DNAH9: variants seen among roughly 807,000 people sequenced by gnomAD.
The protein encoded by DNAH9 is dynein axonemal heavy chain 9.
DNAH9 carries 345 observed loss-of-function variants against 471.6 expected under a neutral mutation model. The ratio of observed to expected loss-of-function variants is 0.73; its 90% confidence interval spans 0.67 to 0.80. DNAH9 has a LOEUF of 0.80. Among genes scored for constraint, DNAH9 ranks in the 30% least tolerant of loss-of-function variants. DNAH9 has a pLI of 0.00. For synonymous variants in DNAH9, 2,093 were observed against 2,123.6 expected (o/e 0.99, Z 0.40); for missense variants, 5,407 against 5,609.2 (o/e 0.96, Z 1.15).
At chr17:11,793,894 A>T (rs537378108) in intron 42 of DNAH9, among the ~76,000 whole-genome samples, 2 of 152,232 alleles carry the variant, frequency 1.3e-5, no homozygotes, top group East Asian at 3.9e-4. Context: ...CATCTGATCC[A>T]AGTCCCCACA....
At chr17:11,732,365 G>A (rs1241607274) in intron 28 of DNAH9, among the ~76,000 whole-genome samples, 3 of 152,032 alleles carry the variant, frequency 2.0e-5, no homozygotes, top group South Asian at 4.2e-4. Context: ...ATTTGAAATC[G>A]AATACCCATC....
intron 17 of DNAH9, among the ~76,000 whole-genome samples, chr17:11,678,109 G>A (rs568991900): frequency 5.3e-5 from 8 of 152,206 alleles, no homozygotes; most frequent in African/African-American, 1.9e-4. Context: ...AGGCTGGAGT[G>A]CAGTGGCATG....
intron 68 of DNAH9, among the ~76,000 whole-genome samples, chr17:11,965,705 T>C (rs1389337918): frequency 6.6e-6 from 1 of 152,072 alleles, no homozygotes; most frequent in Non-Finnish European, 1.5e-5. Flanking sequence ...AAAGAAACCA[T>C]GTCTAAATAA....
intron 19 of DNAH9, among the ~76,000 whole-genome samples, chr17:11,683,283 C>T (rs2074169468): frequency 6.6e-6 from 1 of 152,140 alleles, no homozygotes; most frequent in Admixed American, 6.5e-5. Flanking sequence ...AAGTGATTTT[C>T]CTTCCTCAGC....
chr17:11,652,280 CTTTTT>C (rs11450398), intron 13 of DNAH9, among the ~76,000 whole-genome samples: 1 of 79,146 alleles, frequency 1.3e-5, no homozygotes, highest in Non-Finnish European at 2.2e-5. Flanking sequence ...TAAGGGTAGG[CTTTTT>C]TTTTTTTTTT....
intron 28 of DNAH9, among the ~76,000 whole-genome samples, chr17:11,738,181 C>T (rs192398469): frequency 6.6e-6 from 1 of 152,168 alleles, no homozygotes; most frequent in East Asian, 1.9e-4. Context: ...ATTGAAGTGC[C>T]CCCCTCCAAG....
intron 43 of DNAH9, among the ~76,000 whole-genome samples, chr17:11,801,200 A>G (rs1969444861): frequency 6.6e-6 from 1 of 152,254 alleles, no homozygotes. Flanking sequence ...ATAAATAGGT[A>G]GAACTTGCAA....
intron 67 of DNAH9, among the ~76,000 whole-genome samples, chr17:11,952,322 T>C (rs949411260): frequency 2.1e-5 from 3 of 139,974 alleles, no homozygotes; most frequent in Non-Finnish European, 4.7e-5. Flanking sequence ...TTTTTTTTTT[T>C]TTTTTTTTTT....
chr17:11,679,267 T>C (rs1256567652), intron 17 of DNAH9, among the ~76,000 whole-genome samples: 1 of 152,262 alleles, frequency 6.6e-6, no homozygotes, highest in Non-Finnish European at 1.5e-5. Flanking sequence ...TCCATCAACA[T>C]ATGATCATTT....
chr17:11,648,988 G>A (rs759167179), intron 12 of DNAH9, among the ~76,000 whole-genome samples: 3 of 152,080 alleles, frequency 2.0e-5, no homozygotes, highest in African/African-American at 4.8e-5. Context: ...TTAGCCAGGC[G>A]TAGTGGCACA....
At chr17:11,946,770 A>AAAAAT (rs373071982) in intron 67 of DNAH9, among the ~76,000 whole-genome samples, 1 of 152,088 alleles carries the variant, frequency 6.6e-6, no homozygotes, top group Non-Finnish European at 1.5e-5. Flanking sequence ...TTGCAAGCCG[A>AAAAAT]AAAATAAAAT....
intron 26 of DNAH9, 118 bp downstream of exon 26, chr17:11,705,303 G>T (rs2074681102): frequency 2.3e-6 from 2 of 857,156 alleles, no homozygotes; most frequent in African/African-American, 1.7e-5. Flanking sequence ...ACAGGGAAAG[G>T]GCCTGACTCA....
rs146956583 is a variant in DNAH9, at chr17:11,681,780, C to T, written c.3743+891C>T. On this transcript the variant is annotated intron_variant, in intron 19 of 68. Transcript: ENST00000262442. ...AGAAATATTAAAGCAACAAACCAAA[C>T]AAAAAAAAATACAACTTCACTGGAA... Among the ~76,000 whole-genome samples the T allele has an allele frequency of 3.4e-3, 511 of 150,212 alleles. 2 individuals are homozygous for T. Among genetic ancestry groups the T allele is most frequent in the African/African-American group, 0.012 (477 of 41,028 alleles).
chr17:11,705,330 G>A, intron 26 of DNAH9, 145 bp downstream of exon 26: 1 of 667,348 alleles, frequency 1.5e-6, no homozygotes. Flanking sequence ...CCTGTTTAAA[G>A]TGAAACTGAA....
chr17:11,703,092 A>G (rs1165324695), intron 24 of DNAH9, among the ~76,000 whole-genome samples: 1 of 145,392 alleles, frequency 6.9e-6, no homozygotes, highest in Non-Finnish European at 1.5e-5. Context: ...GACTGTCTCA[A>G]AAAAAAAAAA....
At chr17:11,656,347 C>T (rs2073647211) in intron 14 of DNAH9, among the ~76,000 whole-genome samples, 1 of 152,080 alleles carries the variant, frequency 6.6e-6, no homozygotes, top group East Asian at 1.9e-4. Context: ...TATTTGTTGG[C>T]CATTTGTTTA....
At chr17:11,657,036 T>C (rs563609889) in intron 14 of DNAH9, among the ~76,000 whole-genome samples, 1 of 152,310 alleles carries the variant, frequency 6.6e-6, no homozygotes, top group East Asian at 1.9e-4. Flanking sequence ...ATAAAGCTTG[T>C]ATGTACAGTC....
At chr17:11,850,592 A>G (rs1351229954) in intron 49 of DNAH9, among the ~76,000 whole-genome samples, 1 of 150,972 alleles carries the variant, frequency 6.6e-6, no homozygotes, top group African/African-American at 2.4e-5. Context: ...TGGAGGTTGC[A>G]GTGAGCCAAG....
At chr17:11,647,294 C>T (rs1249962983) in intron 12 of DNAH9, 96 bp downstream of exon 12, 32 of 1,254,946 alleles carry the variant, frequency 2.5e-5, no homozygotes, top group African/African-American at 1.6e-4. Context: ...TTTTTTGAGA[C>T]GGAGTTTCAC....
Sources: gnomAD v4.1 joint callset for allele counts (sites outside exome capture counted in the v4.1 genomes callset) on GRCh38, gnomAD v4.1.1 for gene constraint, MANE v1.5 for transcripts, NCBI Gene and HGNC (gene_info 2026-07-23, HGNC 2026-07-21) for gene names.